TRAF7: variants seen among roughly 807,000 people sequenced by gnomAD.
TRAF7 encodes TNF receptor associated factor 7.
In TRAF7, 45 loss-of-function variants were observed where a neutral mutation model predicts 89.3. The ratio of observed to expected loss-of-function variants is 0.50; its 90% CI spans 0.40 to 0.65. The LOEUF is 0.65. TRAF7 is among the 30% of genes least tolerant of loss of function. The pLI is 0.00. For synonymous variants in TRAF7, 406 were observed against 369.2 expected (o/e 1.10, Z -1.14); for missense variants, 677 against 918.1 (o/e 0.74, Z 3.39).
In TRAF7 at chr16:2,163,831, A is replaced by T. The variant is rs1291551619; in HGVS notation, c.-38-52A>T. The T allele has an allele frequency of 1.6e-6, 2 of 1,222,676 alleles. No homozygotes were observed. The highest frequency in any genetic ancestry group is 2.4e-6 in the Non-Finnish European group (2 of 846,314). 75.7% of individuals were successfully genotyped at this position (1,222,676 alleles called of 1,614,324 possible). A position where few individuals can be genotyped will look rare whatever the true frequency, so the allele number is the denominator to read the frequency against. The stretch of plus-strand genomic sequence containing the variant: ...ACACTTGCAGCAGCCCGTCTGACTC[A>T]CAGGGGCCTGGGCTCCATCTCTCAA... On this transcript the variant is annotated intron_variant, in intron 1 of 20. Transcript: ENST00000326181. The surrounding 1 kb of genome is among the most constrained non-coding windows in gnomAD (Gnocchi z 4.3).
chr16:2,172,653 C>T (rs2093117797), intron 9 of TRAF7, 54 bp downstream of exon 9: 3 of 1,521,494 alleles, frequency 2.0e-6, no homozygotes, highest in African/African-American at 2.8e-5. Context: ...CCTCCACAGG[C>T]TCCGCTGAGA....
Position 2,176,573 on chromosome 16 carries a change from A to G in TRAF7, c.2012A>G (p.Ter671=), listed in dbSNP as rs1486681726. The G allele has an allele frequency of 2.5e-6, 4 of 1,613,420 alleles. No individual in the cohort carries two copies. In the East Asian group the frequency reaches 6.7e-5, roughly 27 times the overall value. The change falls in exon 21 of 21, where the codon TAA becomes TGA. Residue 671 remains the stop codon, a stop_retained_variant. Transcript: ENST00000326181. ...VDSTVKVWTC[*] is the part of the protein sequence containing the mutation. The stretch of plus-strand genomic sequence containing the variant: ...CTTTCTCTGCAGGTTTGGACTTGCT[A>G]ACAGGATCCAGGCCAGGCTGTGGTT...
intron 3 of TRAF7, among the ~76,000 whole-genome samples, chr16:2,166,640 G>A (rs1301413653): frequency 6.6e-6 from 1 of 152,178 alleles, no homozygotes; most frequent in Non-Finnish European, 1.5e-5. Context: ...GGGCTCACGT[G>A]ATCCTCCTGC....
chr16:2,168,463 C>G lies in TRAF7; in HGVS notation c.231+295C>G, dbSNP rs988466241. On this transcript the variant is annotated intron_variant, in intron 4 of 20. Coordinates refer to ENST00000326181, the MANE Select transcript of TRAF7 (RefSeq NM_032271.3). The surrounding 1 kb of genome is among the most constrained non-coding windows in gnomAD (Gnocchi z 4.1). ...TCCATCTTAAGGGAGGTGGAAACCA[C>G]AGAAAGTTCAGTCAGGAGGATAGCA... 11 of 369,630 alleles carry G rather than the reference C, an allele frequency of 3.0e-5. No homozygotes were observed. The highest frequency in any genetic ancestry group is 2.3e-4 in the African/African-American group (11 of 47,410). 22.9% of individuals were successfully genotyped at this position (369,630 alleles called of 1,614,324 possible).
rs769282968 is a variant in TRAF7 at position 2,174,336 on chromosome 16, G to A, written c.1346+3G>A. ...GTGCTGGCTCTCTGCATCCAGGGGTGAGTCCAGGCACATGTGTGATCAGTG... is the reference window on the plus strand; with the variant it reads ...GTGCTGGCTCTCTGCATCCAGGGGTAAGTCCAGGCACATGTGTGATCAGTG... On this transcript the variant is annotated splice_donor_region_variant and intron_variant, in intron 14 of 20. Transcript: ENST00000326181. 29 of 1,612,566 alleles carry A rather than the reference G, an allele frequency of 1.8e-5. No individual in the cohort carries two copies. Among genetic ancestry groups the A allele is most frequent in the Non-Finnish European group, 2.4e-5 (28 of 1,179,812 alleles).
chr16:2,172,611 G>A lies in TRAF7; in HGVS notation c.794+12G>A. The A allele has an allele frequency of 6.5e-7, 1 of 1,538,120 alleles. No individual in the cohort carries two copies. Among genetic ancestry groups the A allele is most frequent in the Non-Finnish European group, 8.8e-7 (1 of 1,138,246 alleles). On this transcript the variant is annotated intron_variant, in intron 9 of 20. Transcript: ENST00000326181. The stretch of plus-strand genomic sequence containing the variant: ...CACTCCAAGTACGGGTGAGTGGGGG[G>A]CGGGCGGGGGTGGGCCGGGGTGGGC...
intron 2 of TRAF7, among the ~76,000 whole-genome samples, 163 bp downstream of exon 2, chr16:2,164,164 GCGCGCGCGCGCGCGCGCA>G (rs1235858383): frequency 7.3e-4 from 61 of 83,576 alleles, no homozygotes; most frequent in East Asian, 5.0e-3. Flanking sequence ...GTGTGTGCGC[GCGCGCGCGCGCGCGCGCA>G]CGCGTGCGTG....
At position 2,172,226 on chromosome 16, in the gene TRAF7, G is replaced by C; in HGVS notation, c.511G>C (p.Val171Leu). 1.2e-6 allele frequency: 2 copies of C among 1,613,086 alleles called. No individual in the cohort carries two copies. The highest frequency in any genetic ancestry group is 8.5e-7 in the Non-Finnish European group (1 of 1,179,986). ...CGTGGACAACGTCAAACTGACCGTG[G>C]TGGTGAACAACATCGCGGTGGCCGA... ...CPVDNVKLTV[V>L]VNNIAVAEQI... Residue 171 changes from valine to leucine, a missense_variant, in exon 8 of 21, where the codon GTG becomes CTG. Transcript: ENST00000326181.
chr16:2,173,859 T>TTGGGGCCCCCCCCC, intron 12 of TRAF7, 23 bp downstream of exon 12: 2 of 1,246,214 alleles, frequency 1.6e-6, no homozygotes, highest in Non-Finnish European at 2.2e-6. Context: ...CCGCCGTGGC[T>TTGGGGCCCCCCCCC]CCCGCCCACC....
rs1177558819 is a variant in TRAF7 at position 2,168,298 on chromosome 16, AC to A, written c.231+133del. The stretch of plus-strand genomic sequence containing the variant: ...CAGGAGAAGAAGAGCACCTGTGGAT[AC>A]CCTGAGGCCTCGGCAGACATGGCAA... On this transcript the variant is annotated intron_variant, in intron 4 of 20. Coordinates refer to ENST00000326181, the MANE Select transcript of TRAF7 (RefSeq NM_032271.3). The surrounding 1 kb of genome is among the most constrained non-coding windows in gnomAD (Gnocchi z 4.1). 2.8e-6 allele frequency: 2 copies of A among 707,634 alleles called. No individual in the cohort carries two copies. The highest frequency in any genetic ancestry group is 4.6e-6 in the Non-Finnish European group (2 of 435,796). 43.8% of individuals were successfully genotyped at this position (707,634 alleles called of 1,614,324 possible). A position where few individuals can be genotyped will look rare whatever the true frequency, so the allele number is the denominator to read the frequency against.
rs942893049 is a variant in TRAF7 at position 2,158,648 on chromosome 16, G to A, written c.-39+2790G>A. On this transcript the variant is annotated intron_variant, in intron 1 of 20. Coordinates refer to ENST00000326181, the MANE Select transcript of TRAF7 (RefSeq NM_032271.3). The surrounding 1 kb of genome is among the most constrained non-coding windows in gnomAD (Gnocchi z 4.7). ...CTGTTGCCTCTTCGGGCCCATGTATGGCCAGTGTTTATGTCAGCTCCCTGC... is the reference window on the plus strand; with the variant it reads ...CTGTTGCCTCTTCGGGCCCATGTATAGCCAGTGTTTATGTCAGCTCCCTGC... Among the ~76,000 whole-genome samples the A allele has an allele frequency of 2.6e-5, 4 of 152,148 alleles. No homozygotes were observed. Among genetic ancestry groups the A allele is most frequent in the Non-Finnish European group, 5.9e-5 (4 of 68,024 alleles).
In TRAF7 at chr16:2,165,020, T is replaced by G. The variant is rs1232151595; in HGVS notation, c.82-859T>G. Among the ~76,000 whole-genome samples, 359 of 102,582 alleles carry G rather than the reference T, an allele frequency of 3.5e-3. 4 individuals are homozygous for G. Among genetic ancestry groups the G allele is most frequent in the African/African-American group, 9.8e-3 (157 of 15,964 alleles). 67.3% of individuals were successfully genotyped at this position (102,582 alleles called of 152,430 possible). On this transcript the variant is annotated intron_variant, in intron 2 of 20. Coordinates refer to ENST00000326181, the MANE Select transcript of TRAF7 (RefSeq NM_032271.3). ...GCGTGGCCTGGCCTGGTCGCATGGT[T>G]AAGCGTGTGAGTGCTGCATGGCCTG...
At chr16:2,175,672 CT>C (rs1256892506) in intron 17 of TRAF7, 50 bp downstream of exon 17, 2 of 1,597,964 alleles carry the variant, frequency 1.3e-6, no homozygotes, top group African/African-American at 2.7e-5. Flanking sequence ...CCTACCAGCA[CT>C]TCCCAGGCCA....
intron 4 of TRAF7, among the ~76,000 whole-genome samples, chr16:2,169,344 C>G (rs980169854): frequency 6.6e-6 from 1 of 152,176 alleles, no homozygotes; most frequent in Non-Finnish European, 1.5e-5. Context: ...TGTGCTAGGC[C>G]GAGGGCGAGT....
In TRAF7 at chr16:2,173,210, T is replaced by TA. The variant is rs1567252206; in HGVS notation, c.824dup (p.Tyr275Ter). Reference protein sequence around the residue: ...GCTFIGNQDTYETHLETCRFE... With the variant: ...GCTFIGNQDT ...CACGTTCATCGGGAACCAGGACACTTACGAGACCCACCTGGAGACTTGCCG... is the reference window on the plus strand; with the variant it reads ...CACGTTCATCGGGAACCAGGACACTTAACGAGACCCACCTGGAGACTTGCCG... Residue 275 changes from tyrosine (Y) to a stop codon, truncating the protein, a stop_gained and frameshift_variant, in exon 10 of 21, where the codon TAC (tyrosine) becomes TAAC (stop). Transcript: ENST00000326181. LOFTEE classifies it high-confidence loss of function. 1 of 1,611,704 alleles carries TA rather than the reference T, an allele frequency of 6.2e-7. No individual in the cohort carries two copies. The highest frequency in any genetic ancestry group is 8.5e-7 in the Non-Finnish European group (1 of 1,179,476).
At chr16:2,175,653 G>C (rs1316335365) in intron 17 of TRAF7, 31 bp downstream of exon 17, 1 of 1,604,930 alleles carries the variant, frequency 6.2e-7, no homozygotes, top group Non-Finnish European at 8.5e-7. Context: ...TGGCCACAGG[G>C]CCTTGCCTCC....
intron 1 of TRAF7, among the ~76,000 whole-genome samples, chr16:2,157,358 C>T (rs1223685705): frequency 1.3e-5 from 2 of 152,044 alleles, no homozygotes; most frequent in Non-Finnish European, 2.9e-5. Context: ...ACGCCCCAAC[C>T]TGAGGGTCTC....
At position 2,176,332 on chromosome 16, in the gene TRAF7, T is replaced by G; in HGVS notation, c.1946T>G (p.Leu649Arg). 1.2e-6 allele frequency: 2 copies of G among 1,605,100 alleles called. No individual in the cohort carries two copies. The highest frequency in any genetic ancestry group is 8.5e-7 in the Non-Finnish European group (1 of 1,178,388). ...LLRHQGSVTA[L>R]AVSRGRLFSG... ...CGTCACCAGGGCAGTGTCACCGCGC[T>G]GGCTGTGTCCCGGGGCCGACTCTTC... Residue 649 changes from leucine (L) to arginine (R), a missense_variant, in exon 20 of 21, where the codon CTG becomes CGG. Coordinates refer to ENST00000326181, the MANE Select transcript of TRAF7 (RefSeq NM_032271.3).
chr16:2,172,614 G>T lies in TRAF7; in HGVS notation c.794+15G>T. On this transcript the variant is annotated intron_variant, in intron 9 of 20. Transcript: ENST00000326181. ...TCCAAGTACGGGTGAGTGGGGGGCG[G>T]GCGGGGGTGGGCCGGGGTGGGCGCA... The T allele has an allele frequency of 6.7e-7, 1 of 1,499,568 alleles. No individual in the cohort carries two copies. The highest frequency in any genetic ancestry group is 1.2e-5 in the South Asian group (1 of 82,958). 92.9% of individuals were successfully genotyped at this position (1,499,568 alleles called of 1,614,324 possible).
Sources: allele counts gnomAD v4.1 joint callset (sites outside exome capture counted in the v4.1 genomes callset), GRCh38; gene constraint gnomAD v4.1.1; non-coding constraint Gnocchi (gnomAD v3.1); transcripts MANE v1.5; gene names NCBI Gene and HGNC (gene_info 2026-07-23, HGNC 2026-07-21).